Variants in CTNNA2 observed in about 807,000 individuals in gnomAD.
The protein encoded by CTNNA2 is catenin alpha 2, also known as catenin alpha-2.
A neutral mutation model predicts 101.0 loss-of-function variants in CTNNA2; 42 were observed. The observed-to-expected ratio is 0.42, with a 90% CI of 0.32 to 0.54. CTNNA2 has a LOEUF of 0.54. Among genes scored for constraint, CTNNA2 ranks in the 20% least tolerant of loss-of-function variants. The pLI is 0.14. For synonymous variants in CTNNA2, 450 were observed against 456.4 expected, an observed-to-expected ratio of 0.99 and a Z score of 0.18; for missense variants, 871 against 1,223.1, an observed-to-expected ratio of 0.71 and a Z score of 4.29.
chr2:80,324,929 G>A lies in CTNNA2; in HGVS notation c.1057-68282G>A, dbSNP rs545681320. On this transcript the variant is annotated intron_variant, in intron 7 of 18. Transcript: ENST00000402739. ...TTCCCTGACCACTCCATCTAAAGAA[G>A]GCATCAGATCATTATCATAGCACCT... Among the ~76,000 whole-genome samples, 107 of 152,196 alleles carry A rather than the reference G, an allele frequency of 7.0e-4. 1 individual carries two copies. The highest frequency in any genetic ancestry group is 2.5e-3 in the African/African-American group (102 of 41,504).
chr2:80,069,862 T>C (rs989285637), intron 7 of CTNNA2, among the ~76,000 whole-genome samples: 2 of 152,256 alleles, frequency 1.3e-5, no homozygotes, highest in South Asian at 4.1e-4. Flanking sequence ...CCTTAACCTG[T>C]CATGCATTTT....
chr2:79,973,740 G>A (rs1369889185), intron 7 of CTNNA2, among the ~76,000 whole-genome samples: 2 of 152,174 alleles, frequency 1.3e-5, no homozygotes, highest in African/African-American at 4.8e-5. Flanking sequence ...AGGAAAAACT[G>A]AGGAGTGTTA....
At chr2:79,518,572 A>T (rs537962646) in intron 1 of CTNNA2, among the ~76,000 whole-genome samples, 2 of 152,306 alleles carry the variant, frequency 1.3e-5, no homozygotes, top group African/African-American at 4.8e-5. Flanking sequence ...GTTCTTCCAC[A>T]TCCCACCCAG....
At chr2:79,391,644 A>C (rs1678173587) in intron 4 of CTNNA2, among the ~76,000 whole-genome samples, 1 of 152,124 alleles carries the variant, frequency 6.6e-6, no homozygotes, top group Non-Finnish European at 1.5e-5. Flanking sequence ...AGTGGGCACT[A>C]TCATTATCTT....
chr2:79,306,881 A>C (rs904252840), intron 2 of CTNNA2, among the ~76,000 whole-genome samples: 1 of 152,188 alleles, frequency 6.6e-6, no homozygotes, highest in Admixed American at 6.5e-5. Flanking sequence ...GAGATAAGAC[A>C]TCTCTACATG....
At chr2:79,786,602 G>A (rs938787685) in intron 3 of CTNNA2, among the ~76,000 whole-genome samples, 9 of 152,024 alleles carry the variant, frequency 5.9e-5, no homozygotes, top group Admixed American at 4.6e-4. Context: ...CTCTCCTCAG[G>A]TACGTTAGAA....
At chr2:79,331,287 T>C (rs777053448) in intron 3 of CTNNA2, among the ~76,000 whole-genome samples, 1 of 152,160 alleles carries the variant, frequency 6.6e-6, no homozygotes, top group African/African-American at 2.4e-5. Context: ...TGCCCTTCTC[T>C]TGTGGAGTCC....
intron 1 of CTNNA2, among the ~76,000 whole-genome samples, chr2:79,597,420 C>T (rs1211867284): frequency 1.3e-5 from 2 of 148,512 alleles, no homozygotes; most frequent in Admixed American, 1.3e-4. Context: ...TGCAGTGAGT[C>T]GAGACGGCGC....
At chr2:79,304,760 A>G (rs933750616) in intron 2 of CTNNA2, among the ~76,000 whole-genome samples, 42 of 152,220 alleles carry the variant, frequency 2.8e-4, no homozygotes, top group Non-Finnish European at 2.9e-5. Context: ...TTGGGTAACC[A>G]GAGATAGACA....
chr2:79,304,378 C>T (rs565205955), intron 2 of CTNNA2, among the ~76,000 whole-genome samples: 23 of 152,216 alleles, frequency 1.5e-4, no homozygotes, highest in African/African-American at 5.3e-4. Context: ...TCTTAGTATT[C>T]TAAAACTGGT....
chr2:79,407,959 T>G (rs550410113), intron 4 of CTNNA2, among the ~76,000 whole-genome samples: 1 of 152,212 alleles, frequency 6.6e-6, no homozygotes, highest in Non-Finnish European at 1.5e-5. Context: ...CTGCTGTATC[T>G]TTGTTCTTTC....
rs182817519 is a variant in CTNNA2 at position 80,431,389 on chromosome 2, C to T, written c.1290+11788C>T. Among the ~76,000 whole-genome samples, 9 of 152,260 alleles carry T rather than the reference C, an allele frequency of 5.9e-5. No homozygotes were observed. In the East Asian group the frequency reaches 1.7e-3, roughly 29 times the overall value. The stretch of plus-strand genomic sequence containing the variant: ...TGTGTGTGGACAGATCACTTTAATC[C>T]TCTGACCCTCAGATTTTGCATCTGG... On this transcript the variant is annotated intron_variant, in intron 9 of 18. Coordinates refer to ENST00000402739, the MANE Select transcript of CTNNA2 (RefSeq NM_001282597.3).
chr2:80,329,054 G>A (rs1229091383), intron 7 of CTNNA2, among the ~76,000 whole-genome samples: 2 of 152,198 alleles, frequency 1.3e-5, no homozygotes, highest in African/African-American at 4.8e-5. Flanking sequence ...TTTGTACAGT[G>A]CAGTTGGTAT....
chr2:80,621,525 A>G (rs1054857512), intron 18 of CTNNA2, among the ~76,000 whole-genome samples: 10 of 151,976 alleles, frequency 6.6e-5, no homozygotes, highest in African/African-American at 1.9e-4. Context: ...GGCAGAATCC[A>G]TGATAGGTAG....
rs144453390 is a variant in CTNNA2 at position 79,942,969 on chromosome 2, C to T, written c.1056+33172C>T. ...TGGTGGCTTATGCCTGTAATCCCAG[C>T]GCTTTGAGAGGCCGAGGTGGGTGGA... On this transcript the variant is annotated intron_variant, in intron 7 of 18. Coordinates refer to ENST00000402739, the MANE Select transcript of CTNNA2 (RefSeq NM_001282597.3). Among the ~76,000 whole-genome samples the T allele has an allele frequency of 5.3e-5, 8 of 152,276 alleles. No homozygotes were observed. In the East Asian group the frequency reaches 1.4e-3, roughly 26 times the overall value.
intron 7 of CTNNA2, among the ~76,000 whole-genome samples, chr2:80,246,980 T>G (rs535813605): frequency 1.3e-5 from 2 of 152,188 alleles, no homozygotes; most frequent in Non-Finnish European, 2.9e-5. Context: ...ATGGGAAATA[T>G]TTCACTGAAT....
intron 7 of CTNNA2, among the ~76,000 whole-genome samples, chr2:80,133,993 A>G (rs963083685): frequency 6.6e-6 from 1 of 152,186 alleles, no homozygotes; most frequent in African/African-American, 2.4e-5. Context: ...GTGAGGGTTA[A>G]ATGAGATAAT....
intron 7 of CTNNA2, among the ~76,000 whole-genome samples, chr2:80,343,634 A>C (rs965268255): frequency 1.3e-5 from 2 of 152,162 alleles, no homozygotes; most frequent in Non-Finnish European, 2.9e-5. Context: ...GAAAAAACAA[A>C]CTTACCATTT....
At chr2:80,280,606 T>C (rs1674301586) in intron 7 of CTNNA2, among the ~76,000 whole-genome samples, 1 of 152,052 alleles carries the variant, frequency 6.6e-6, no homozygotes, top group Non-Finnish European at 1.5e-5. Flanking sequence ...CAGATAATCA[T>C]CCACCCTTAT....
Sources: gnomAD v4.1 joint callset for allele counts (sites outside exome capture counted in the v4.1 genomes callset) on GRCh38, gnomAD v4.1.1 for gene constraint, MANE v1.5 for transcripts, NCBI Gene and HGNC (gene_info 2026-07-23, HGNC 2026-07-21) for gene names.